GAK: variants seen among roughly 807,000 people sequenced by gnomAD.
GAK encodes cyclin G associated kinase.
Under a neutral mutation model 143.9 loss-of-function variants are expected in GAK, and 79 were observed. That is an observed-to-expected ratio of 0.55 (90% CI 0.46 to 0.66). The LOEUF (loss-of-function observed/expected upper bound fraction) is 0.66, where lower values mean the gene tolerates loss of function less well. GAK is among the 30% of genes least tolerant of loss of function. The probability of loss-of-function intolerance (pLI) is 0.00; values close to 1 mark genes in which losing one functional copy is unlikely to be tolerated. For missense variants in GAK, 1,693 were observed against 1,779.7 expected (o/e 0.95, Z 0.88); for synonymous variants, 881 against 765.5 (o/e 1.15, Z -2.49).
intron 5 of GAK, 71 bp from the exon 6 acceptor site, chr4:898,229 G>T (rs1305127133): frequency 3.8e-6 from 6 of 1,573,634 alleles, no homozygotes; most frequent in Non-Finnish European, 5.2e-6. Context: ...AAAACGAACG[G>T]GTGTGAGACA....
chr4:868,942 C>A (rs1711682658), intron 19 of GAK: 1 of 499,162 alleles, frequency 2.0e-6, no homozygotes, highest in East Asian at 3.5e-5. Context: ...GAACCCACCA[C>A]TGAGGCATCA....
At chr4:863,698 ATTTATTT>A (rs988448327) in intron 23 of GAK, among the ~76,000 whole-genome samples, 2 of 152,252 alleles carry the variant, frequency 1.3e-5, no homozygotes, top group African/African-American at 4.8e-5. Flanking sequence ...AGGTAACTAT[ATTTATTT>A]TTTAGACATA....
At chr4:881,502 CTGTATTTG>C (rs1304852233) in intron 15 of GAK, among the ~76,000 whole-genome samples, 4 of 152,204 alleles carry the variant, frequency 2.6e-5, no homozygotes, top group Admixed American at 6.5e-5. Context: ...GCACAGAAGC[CTGTATTTG>C]GCAGGGCCCT....
At chr4:862,487 C>T (rs145341437) in intron 23 of GAK, among the ~76,000 whole-genome samples, 6,362 of 152,162 alleles carry the variant, frequency 0.042, 150 homozygotes, top group East Asian at 0.091. Flanking sequence ...AGTGAAACCC[C>T]GTCTCTAGGG....
At chr4:852,700 C>T (rs1206780468) in intron 24 of GAK, 2 of 152,658 alleles carry the variant, frequency 1.3e-5, no homozygotes, top group Non-Finnish European at 2.9e-5. Context: ...CCTCGGCCTC[C>T]CAAAGTGCTG....
At chr4:912,704 G>T in intron 3 of GAK, 31 bp downstream of exon 3, 1 of 1,597,088 alleles carries the variant, frequency 6.3e-7, no homozygotes, top group South Asian at 1.1e-5. Flanking sequence ...CAAAGCCACC[G>T]TGCTGGCTCC....
Position 926,117 on chromosome 4 carries a change from T to C in GAK, c.145+5926A>G, listed in dbSNP as rs1198431928. On this transcript the variant is annotated intron_variant, in intron 1 of 27. Transcript: ENST00000314167. ...CTAATTCACCCCAGGGGGTCCTCCC[T>C]GGACAGTGACCTCCCCGAACGTCTA... Among the ~76,000 whole-genome samples, 9 of 150,492 alleles carry C rather than the reference T, an allele frequency of 6.0e-5. No individual in the cohort carries two copies. In the East Asian group the frequency reaches 9.8e-4, roughly 16 times the overall value.
At chr4:926,042 T>C (rs1034136896) in intron 1 of GAK, among the ~76,000 whole-genome samples, 1 of 151,502 alleles carries the variant, frequency 6.6e-6, no homozygotes, top group African/African-American at 2.4e-5. Flanking sequence ...TCCCCGAACG[T>C]CTAATTCACC....
Position 898,044 on chromosome 4 carries a change from C to G in GAK, c.640G>C (p.Val214Leu). The G allele has an allele frequency of 3.1e-6, 5 of 1,613,128 alleles. No individual in the cohort carries two copies. The highest frequency in any genetic ancestry group is 4.2e-6 in the Non-Finnish European group (5 of 1,179,622). Reference protein sequence around the residue: ...YSWSAQRRALVEEEITRNTTP... With the variant: ...YSWSAQRRALLEEEITRNTTP... ...CCCACTCAGCTCACCTCTTCCTCCACCAGGGCTCGCCTCTGGGCGCTCCAG... is the reference window on the plus strand; with the variant it reads ...CCCACTCAGCTCACCTCTTCCTCCAGCAGGGCTCGCCTCTGGGCGCTCCAG... The change falls in exon 6 of 28, where the codon GTG becomes CTG. Residue 214 changes from valine to leucine, a missense_variant. Physicochemically the swap from Val to Leu is conservative, Grantham distance 32. Transcript: ENST00000314167.
intron 12 of GAK, 134 bp downstream of exon 12, chr4:883,903 A>T: frequency 1.1e-6 from 1 of 870,862 alleles, no homozygotes. Context: ...AAGGGGCCCC[A>T]GGTCACCCCT....
In GAK at chr4:856,144, GCTGCTCACCACAC is replaced by G. The variant is rs1261181692; in HGVS notation, c.3283+3449_3283+3461del. On this transcript the variant is annotated intron_variant, in intron 24 of 27. Transcript: ENST00000314167. ...GCTGGGACCACACCTGCTCACCACA[GCTGCTCACCACAC>G]CTGCTCACCACCACAGCTGCTCACA... Among the ~76,000 whole-genome samples the G allele has an allele frequency of 2.0e-3, 301 of 151,448 alleles. 3 individuals are homozygous for G. The highest frequency in any genetic ancestry group is 7.1e-3 in the African/African-American group (290 of 41,078).
At chr4:884,579 G>C (rs1577157476) in intron 11 of GAK, among the ~76,000 whole-genome samples, 1 of 152,230 alleles carries the variant, frequency 6.6e-6, no homozygotes, top group African/African-American at 2.4e-5. Flanking sequence ...TGAGTGCCTA[G>C]AAGCCCCTGC....
chr4:851,178 G>T (rs1166378480), intron 25 of GAK, 94 bp from the exon 26 acceptor site: 1 of 1,123,532 alleles, frequency 8.9e-7, no homozygotes, highest in Non-Finnish European at 1.3e-6. Context: ...GCTCTCTGCA[G>T]CCTTTGCCTC....
intron 7 of GAK, 155 bp from the exon 8 acceptor site, chr4:894,164 G>A: frequency 2.5e-6 from 2 of 788,026 alleles, no homozygotes; most frequent in South Asian, 2.3e-5. Context: ...GGGGACTGCA[G>A]GGAACACAGG....
chr4:884,789 G>C (rs1274418264), intron 11 of GAK, among the ~76,000 whole-genome samples: 3 of 152,240 alleles, frequency 2.0e-5, no homozygotes, highest in Non-Finnish European at 4.4e-5. Flanking sequence ...TCCCTCCCAG[G>C]ACAGAGCAGG....
chr4:863,433 G>A (rs1270159601), intron 23 of GAK, among the ~76,000 whole-genome samples: 1 of 152,240 alleles, frequency 6.6e-6, no homozygotes, highest in African/African-American at 2.4e-5. Context: ...GCAGTGGCAG[G>A]TTTGGGAGGA....
At position 877,147 on chromosome 4, in the gene GAK, G is replaced by A. The variant is rs754410175; in HGVS notation, c.1917C>T (p.Asp639=). 24 of 1,613,934 alleles carry A rather than the reference G, an allele frequency of 1.5e-5. No homozygotes were observed. Among genetic ancestry groups the A allele is most frequent in the East Asian group, 6.7e-5 (3 of 44,894 alleles). The change falls in exon 17 of 28, where the codon GAC becomes GAT. Residue 639 remains aspartate, a synonymous_variant. Transcript: ENST00000314167. The part of the protein sequence containing the change: ...VIPLGVTVQG[D]VLIVIYHARS... ...GGGCGTGATAGATGACGATGAGCACGTCTCCTTGCACCGTGACGCCCAGGG... is the reference window on the plus strand; with the variant it reads ...GGGCGTGATAGATGACGATGAGCACATCTCCTTGCACCGTGACGCCCAGGG...
intron 24 of GAK, chr4:852,777 T>C (rs752088018): frequency 1.3e-5 from 2 of 152,236 alleles, no homozygotes; most frequent in Non-Finnish European, 2.9e-5. Flanking sequence ...ATAATCAGAA[T>C]AGCAGGAAGC....
rs1299545332 is a variant in GAK at position 893,495 on chromosome 4, G to T, written c.878-6C>A. 3.8e-6 allele frequency: 6 copies of T among 1,561,880 alleles called. No homozygotes were observed. Among genetic ancestry groups the T allele is most frequent in the Non-Finnish European group, 5.2e-6 (6 of 1,157,536 alleles). ...GTTCACCTGCAGCATGGCGCCTGCAGCAGAAGCACAGCGCGCTCGGCCCCA... is the reference window on the plus strand; with the variant it reads ...GTTCACCTGCAGCATGGCGCCTGCATCAGAAGCACAGCGCGCTCGGCCCCA... On this transcript the variant is annotated splice_polypyrimidine_tract_variant and splice_region_variant and intron_variant, in intron 8 of 27. Coordinates refer to ENST00000314167, the MANE Select transcript of GAK (RefSeq NM_005255.4).
Sources: allele counts gnomAD v4.1 joint callset (sites outside exome capture counted in the v4.1 genomes callset), GRCh38; gene constraint gnomAD v4.1.1; transcripts MANE v1.5; gene names NCBI Gene and HGNC (gene_info 2026-07-23, HGNC 2026-07-21).